The following CAPN6 variants were observed in gnomAD, a reference collection of about 807,000 sequenced individuals.
The protein encoded by CAPN6 is calpain-6.
In CAPN6, 16 loss-of-function variants were observed where a neutral mutation model predicts 46.0. The ratio of observed to expected loss-of-function variants is 0.35; its 90% CI spans 0.24 to 0.53. The LOEUF (loss-of-function observed/expected upper bound fraction) is 0.53, where lower values mean the gene tolerates loss of function less well. Among genes scored for constraint, CAPN6 ranks in the 20% least tolerant of loss-of-function variants. The pLI is 0.94. For synonymous variants in CAPN6, 206 were observed against 172.8 expected, an observed-to-expected ratio of 1.19 and a Z score of -1.51; for missense variants, 461 against 498.0, an observed-to-expected ratio of 0.93 and a Z score of 0.71.
intron 8 of CAPN6, among the ~76,000 whole-genome samples, 177 bp downstream of exon 8, chrX:111,250,740 T>A (rs751178221): frequency 8.1e-5 from 9 of 111,604 alleles, no homozygotes; most frequent in Non-Finnish European, 1.3e-4. Flanking sequence ...AAAGACATAG[T>A]CTGCTGTGTT....
intron 2 of CAPN6, among the ~76,000 whole-genome samples, chrX:111,254,816 G>A (rs2094982526): frequency 1.8e-5 from 2 of 111,857 alleles, no homozygotes; most frequent in South Asian, 7.5e-4. Flanking sequence ...GTGCTTGGAA[G>A]GGAGATTGTA....
chrX:111,265,423 T>C (rs2094991043), intron 1 of CAPN6, among the ~76,000 whole-genome samples: 1 of 112,684 alleles, frequency 8.9e-6, no homozygotes, highest in Non-Finnish European at 1.9e-5. Flanking sequence ...CAATTGCTTT[T>C]AAAATTGAGA....
intron 2 of CAPN6, among the ~76,000 whole-genome samples, chrX:111,263,085 G>A (rs2094989120): frequency 8.9e-6 from 1 of 112,384 alleles, no homozygotes; most frequent in Non-Finnish European, 1.9e-5. Context: ...AAAGAGGCAA[G>A]AGCATAGTTG....
At chrX:111,253,407 T>A (rs761811667) in intron 3 of CAPN6, among the ~76,000 whole-genome samples, 191 bp from the exon 4 acceptor site, 14 of 112,579 alleles carry the variant, frequency 1.2e-4, no homozygotes, top group Non-Finnish European at 2.4e-4. Flanking sequence ...TCAGTTTTGC[T>A]GAGGATGATA....
chrX:111,259,779 T>G (rs2094986479), intron 2 of CAPN6, among the ~76,000 whole-genome samples: 1 of 111,780 alleles, frequency 8.9e-6, no homozygotes, highest in Non-Finnish European at 1.9e-5. Context: ...AGTCAGGGAT[T>G]AGATGTGTCT....
At chrX:111,268,046 T>C (rs768605558) in intron 1 of CAPN6, among the ~76,000 whole-genome samples, 7 of 111,718 alleles carry the variant, frequency 6.3e-5, no homozygotes, top group African/African-American at 2.3e-4. Flanking sequence ...ATAGCTTACA[T>C]ACATGGGCAC....
chrX:111,247,579 T>C, intron 11 of CAPN6, 75 bp from the exon 12 acceptor site: 4 of 1,055,951 alleles, frequency 3.8e-6, no homozygotes, highest in Non-Finnish European at 5.1e-6. Context: ...GGTATCTCGC[T>C]AAGCCAATTC....
intron 5 of CAPN6, 43 bp from the exon 6 acceptor site, chrX:111,251,785 A>G: frequency 9.5e-7 from 1 of 1,053,453 alleles, no homozygotes; most frequent in South Asian, 2.1e-5. Context: ...GAATTGGGAG[A>G]CCCAATCCTG....
intron 1 of CAPN6, among the ~76,000 whole-genome samples, chrX:111,269,865 C>T (rs1278706956): frequency 8.9e-6 from 1 of 112,040 alleles, no homozygotes; most frequent in Non-Finnish European, 1.9e-5. Context: ...GCACAGCCTG[C>T]TCACCCTCCT....
chrX:111,250,563 A>C (rs1252435625), intron 8 of CAPN6, among the ~76,000 whole-genome samples: 1 of 111,304 alleles, frequency 9.0e-6, no homozygotes. Flanking sequence ...AAGAGAAATG[A>C]GGAAGAATTG....
At chrX:111,266,233 C>CAAAAAA (rs36058551) in intron 1 of CAPN6, among the ~76,000 whole-genome samples, 3 of 34,316 alleles carry the variant, frequency 8.7e-5, no homozygotes, top group Admixed American at 3.9e-4. Context: ...GACTCCGTCT[C>CAAAAAA]AAAAAAAAAA....
At chrX:111,250,549 A>G (rs1250258569) in intron 8 of CAPN6, among the ~76,000 whole-genome samples, 1 of 111,388 alleles carries the variant, frequency 9.0e-6, no homozygotes, top group Non-Finnish European at 1.9e-5. Context: ...ACAGCTGGGC[A>G]GTAAAGAGAA....
chrX:111,263,873 T>C lies in CAPN6; in HGVS notation c.64A>G (p.Lys22Glu). The C allele has an allele frequency of 8.3e-7, 1 of 1,208,309 alleles. No homozygotes were observed. ...KYQELKQECI[K>E]DSRLFCDPTF... is the part of the protein sequence containing the mutation. ...GGATCACAGAAAAGTCTGCTGTCTT[T>C]GATGCATTCCTGCTTCAGTTCCTGG... The change falls in exon 2 of 13, where the codon AAA becomes GAA. Residue 22 changes from lysine (K) to glutamate (E), a missense_variant. Physicochemically the swap from Lys to Glu is moderately conservative, Grantham distance 56. Transcript: ENST00000324068.
In CAPN6 at chrX:111,249,022, G is replaced by T. The variant is rs939314988; in HGVS notation, c.1194C>A (p.Val398=). 8.3e-7 allele frequency: 1 copy of T among 1,211,245 alleles called. No individual in the cohort carries two copies. Among genetic ancestry groups the T allele is most frequent in the Non-Finnish European group, 1.1e-6 (1 of 895,103 alleles). The change falls in exon 9 of 13, where the codon GTC becomes GTA. Residue 398 remains valine, a synonymous_variant. Coordinates refer to ENST00000324068, the MANE Select transcript of CAPN6 (RefSeq NM_014289.4). ...GGTCCTTCTGCTGCAGTGACATAAT[G>T]ACCTTGTGCCCATCCTCAGGCACAG... The part of the protein sequence containing the change: ...IFTVPEDGHK[V]IMSLQQKDLR...
chrX:111,264,721 G>A (rs914773961), intron 1 of CAPN6, among the ~76,000 whole-genome samples: 25 of 105,689 alleles, frequency 2.4e-4, no homozygotes, highest in Non-Finnish European at 4.4e-4. Flanking sequence ...AAAAAAAAAA[G>A]GAGGAAAAAC....
In CAPN6 at chrX:111,252,601, A is replaced by T. The variant is rs757742824; in HGVS notation, c.507-102T>A. 190 of 625,475 alleles carry T rather than the reference A, an allele frequency of 3.0e-4. No individual in the cohort carries two copies. The African/African-American group carries it at 3.6e-3, about 12-fold the overall frequency. The allele number at this position is 625,475 out of a possible 1,213,427, so 51.5% of individuals were successfully genotyped here. Reference sequence around the variant, plus strand: ...ACATCCCCTGCCTAGACTTTACCAGATGGCTTTTCTCTAGGTATGAAATGA... The same window carrying T: ...ACATCCCCTGCCTAGACTTTACCAGTTGGCTTTTCTCTAGGTATGAAATGA... On this transcript the variant is annotated intron_variant, in intron 4 of 12. Coordinates refer to ENST00000324068, the MANE Select transcript of CAPN6 (RefSeq NM_014289.4).
chrX:111,247,133 G>T (rs183067337), intron 12 of CAPN6, among the ~76,000 whole-genome samples: 17 of 111,825 alleles, frequency 1.5e-4, no homozygotes, highest in African/African-American at 5.5e-4. Flanking sequence ...CATGTGTACT[G>T]GTGAGCATGT....
intron 5 of CAPN6, 95 bp downstream of exon 5, chrX:111,252,212 T>C: frequency 4.3e-6 from 3 of 694,488 alleles, no homozygotes; most frequent in Admixed American, 3.3e-5. Flanking sequence ...TAGTTTTTCA[T>C]GGGTCTTCGG....
intron 2 of CAPN6, among the ~76,000 whole-genome samples, chrX:111,255,784 C>T (rs12116248): frequency 0.15 from 16,255 of 111,540 alleles, 2,287 homozygotes; most frequent in African/African-American, 0.44. Flanking sequence ...TGGAGATTAA[C>T]TGGGCATCCC....
Sources: gnomAD v4.1 joint callset for allele counts (sites outside exome capture counted in the v4.1 genomes callset) on GRCh38, gnomAD v4.1.1 for gene constraint, MANE v1.5 for transcripts, NCBI Gene and HGNC (gene_info 2026-07-23, HGNC 2026-07-21) for gene names.